Variants in FNIP2 observed in about 807,000 individuals in gnomAD.
The protein encoded by FNIP2 is folliculin interacting protein 2.
In FNIP2, 32 loss-of-function variants were observed where a neutral mutation model predicts 108.7. That is an observed-to-expected ratio of 0.29 (90% CI 0.22 to 0.40). The LOEUF (loss-of-function observed/expected upper bound fraction) is 0.40. Among genes scored for constraint, FNIP2 ranks in the 10% least tolerant of loss-of-function variants. The pLI, the probability that FNIP2 is intolerant of heterozygous loss-of-function variation, is 1.00. For missense variants in FNIP2, 1,202 were observed against 1,381.6 expected (o/e 0.87, Z 2.06); for synonymous variants, 480 against 496.7 (o/e 0.97, Z 0.45).
rs757266714 is a variant in FNIP2, at chr4:158,870,318, AGAG to A, written c.2799_2801del (p.Gln933_Ser934delinsHis). ...TGGGCCACATGTTGTTTTAGGTCTC[AGAG>A]CATCAGCACCCAGAATGTAAGGAAC... On this transcript the variant is annotated inframe_deletion, in exon 14 of 17. Coordinates refer to ENST00000264433, the MANE Select transcript of FNIP2 (RefSeq NM_020840.3). The A allele has an allele frequency of 3.7e-6, 6 of 1,613,144 alleles. No individual in the cohort carries two copies. In the Admixed American group the frequency reaches 1.0e-4, roughly 27 times the overall value.
chr4:158,820,708 GA>G (rs1296511356), intron 1 of FNIP2, among the ~76,000 whole-genome samples: 1 of 360 alleles, frequency 2.8e-3, no homozygotes, highest in Non-Finnish European at 0.016. Context: ...AGCACCCAGT[GA>G]TAACTGTCTT....
chr4:158,870,108 ATGGATAGTTTTTT>A (rs918300218), intron 13 of FNIP2, among the ~76,000 whole-genome samples, 192 bp from the exon 14 acceptor site: 3 of 152,108 alleles, frequency 2.0e-5, no homozygotes, highest in Non-Finnish European at 4.4e-5. Flanking sequence ...ATAACTAGCC[ATGGATAGTTTTTT>A]TTTCTTCCAG....
rs755161074 is a variant in FNIP2, at chr4:158,868,332, G to C, written c.1696G>C (p.Glu566Gln). The C allele has an allele frequency of 6.2e-7, 1 of 1,614,042 alleles. No homozygotes were observed. Among genetic ancestry groups the C allele is most frequent in the South Asian group, 1.1e-5 (1 of 91,084 alleles). ...GGAGAAAGGAGAGGTGGAGGAGTCTGAGTATGTGGTCATTACGGTGAGGAA... is the reference window on the plus strand; with the variant it reads ...GGAGAAAGGAGAGGTGGAGGAGTCTCAGTATGTGGTCATTACGGTGAGGAA... ...ALEKGEVEES[E>Q]YVVITVRNEP... Residue 566 changes from glutamate (E) to glutamine (Q), a missense_variant, in exon 13 of 17, where the codon GAG becomes CAG. Coordinates refer to ENST00000264433, the MANE Select transcript of FNIP2 (RefSeq NM_020840.3). This position sits in a 1 kb window ranked among gnomAD's most constrained non-coding sequence, Gnocchi z 4.6.
chr4:158,860,731 G>A (rs1487567157), intron 10 of FNIP2, among the ~76,000 whole-genome samples: 2 of 146,934 alleles, frequency 1.4e-5, no homozygotes, highest in African/African-American at 2.5e-5. Context: ...ATCTCGGCTC[G>A]CTGCAACCTT....
chr4:158,897,168 G>A (rs1782769603), intron 16 of FNIP2, among the ~76,000 whole-genome samples: 1 of 152,164 alleles, frequency 6.6e-6, no homozygotes, highest in South Asian at 2.1e-4. Context: ...CAGAGGACAT[G>A]AACTCATCCT....
intron 1 of FNIP2, 47 bp from the exon 2 acceptor site, chr4:158,825,869 C>T: frequency 6.3e-7 from 1 of 1,583,988 alleles, no homozygotes; most frequent in Non-Finnish European, 8.6e-7. Flanking sequence ...GTGATCATCT[C>T]ATGTGCTGCA....
intron 14 of FNIP2, chr4:158,872,827 TA>T (rs1374701011): frequency 7.9e-5 from 70 of 882,120 alleles, no homozygotes; most frequent in Non-Finnish European, 8.0e-5. Context: ...GTTTAAACAT[TA>T]TTCCGAATTT....
At chr4:158,851,595 A>C in intron 8 of FNIP2, 145 bp downstream of exon 8, 1 of 1,041,036 alleles carries the variant, frequency 9.6e-7, no homozygotes, top group African/African-American at 1.6e-5. Context: ...AAGTTTACAA[A>C]TTGGAAGTTC....
chr4:158,815,693 A>G (rs1777530110), intron 1 of FNIP2, among the ~76,000 whole-genome samples: 1 of 152,314 alleles, frequency 6.6e-6, no homozygotes, highest in Middle Eastern at 3.4e-3. Flanking sequence ...TCCAGAGTCA[A>G]CTAGTATTAC....
chr4:158,886,257 C>T (rs1398508211), intron 14 of FNIP2, among the ~76,000 whole-genome samples: 1 of 152,242 alleles, frequency 6.6e-6, no homozygotes, highest in African/African-American at 2.4e-5. Flanking sequence ...TCTAACTTCT[C>T]ATATGAGTGC....
intron 11 of FNIP2, 45 bp downstream of exon 11, chr4:158,861,533 A>G (rs1292473323): frequency 5.6e-6 from 9 of 1,613,694 alleles, no homozygotes; most frequent in Admixed American, 3.3e-5. Flanking sequence ...TCTCATGGCC[A>G]ATGTGTGTAC....
chr4:158,896,006 C>A, intron 16 of FNIP2, 141 bp downstream of exon 16: 1 of 619,912 alleles, frequency 1.6e-6, no homozygotes. Context: ...AGATACGTGC[C>A]TCTGCAACTC....
intron 1 of FNIP2, among the ~76,000 whole-genome samples, chr4:158,805,651 G>T (rs1024464661): frequency 7.9e-5 from 12 of 152,248 alleles, no homozygotes; most frequent in Non-Finnish European, 1.5e-5. Context: ...GCTGTGGGTA[G>T]AATTTTGCAA....
At chr4:158,878,578 C>G (rs904087546) in intron 14 of FNIP2, among the ~76,000 whole-genome samples, 4 of 152,106 alleles carry the variant, frequency 2.6e-5, no homozygotes, top group South Asian at 4.1e-4. Flanking sequence ...AGGAAGCACA[C>G]TACTTTAGAC....
At chr4:158,781,036 A>T (rs75611939) in intron 1 of FNIP2, among the ~76,000 whole-genome samples, 299 of 12,466 alleles carry the variant, frequency 0.024, 1 homozygote, top group Middle Eastern at 0.062. Context: ...GTCCTTCTCA[A>T]AAAAAAAAAA....
intron 1 of FNIP2, among the ~76,000 whole-genome samples, chr4:158,784,818 C>T (rs772837911): frequency 1.3e-5 from 2 of 152,198 alleles, no homozygotes; most frequent in Admixed American, 6.5e-5. Context: ...GGTACCAGTC[C>T]GTGACCCAGG....
intron 1 of FNIP2, among the ~76,000 whole-genome samples, chr4:158,822,575 G>A (rs1777945285): frequency 6.6e-6 from 1 of 152,046 alleles, no homozygotes. Context: ...ATGGCTTACT[G>A]CAGCCTTGAA....
chr4:158,817,871 G>C (rs958064672), intron 1 of FNIP2, among the ~76,000 whole-genome samples: 3 of 152,190 alleles, frequency 2.0e-5, no homozygotes, highest in Non-Finnish European at 4.4e-5. Flanking sequence ...TAGAGGAGGA[G>C]ACACTGGATT....
intron 1 of FNIP2, among the ~76,000 whole-genome samples, chr4:158,775,567 G>T (rs1204853976): frequency 1.3e-5 from 2 of 152,110 alleles, no homozygotes; most frequent in African/African-American, 4.8e-5. Flanking sequence ...TGCTTGAATG[G>T]GAGGGTGGGA....
Sources: gnomAD v4.1 joint callset for allele counts (sites outside exome capture counted in the v4.1 genomes callset) on GRCh38, gnomAD v4.1.1 for gene constraint, Gnocchi (gnomAD v3.1) non-coding constraint, MANE v1.5 for transcripts, NCBI Gene and HGNC (gene_info 2026-07-23, HGNC 2026-07-21) for gene names.